The following SLC4A7 variants were observed in gnomAD, a reference collection of about 807,000 sequenced individuals.
The protein encoded by SLC4A7 is sodium bicarbonate cotransporter 3.
SLC4A7 carries 51 observed loss-of-function variants against 137.6 expected under a neutral mutation model. The ratio of observed to expected loss-of-function variants is 0.37; its 90% confidence interval spans 0.30 to 0.47. The LOEUF (loss-of-function observed/expected upper bound fraction) is 0.47. Among genes scored for constraint, SLC4A7 ranks in the 20% least tolerant of loss-of-function variants. The pLI is 1.00. For missense variants in SLC4A7, 1,247 were observed against 1,525.4 expected (o/e 0.82, Z 3.04); for synonymous variants, 542 against 518.6 (o/e 1.05, Z -0.61).
intron 11 of SLC4A7, among the ~76,000 whole-genome samples, chr3:27,414,602 T>A (rs1375366084): frequency 6.6e-6 from 1 of 152,214 alleles, no homozygotes; most frequent in South Asian, 2.1e-4. Context: ...ACCCAAACCA[T>A]AGAAGGATCC....
intron 12 of SLC4A7, among the ~76,000 whole-genome samples, chr3:27,409,806 T>C (rs2053731192): frequency 6.6e-6 from 1 of 152,174 alleles, no homozygotes. Flanking sequence ...AAATGTAATT[T>C]TGGACACAAA....
At chr3:27,482,082 G>A (rs1437267782) in intron 1 of SLC4A7, among the ~76,000 whole-genome samples, 1 of 152,202 alleles carries the variant, frequency 6.6e-6, no homozygotes, top group East Asian at 1.9e-4. Context: ...GCAGTGAGGC[G>A]AGATCAGGCC....
At chr3:27,409,302 G>C in intron 13 of SLC4A7, 54 bp downstream of exon 13, 1 of 1,352,684 alleles carries the variant, frequency 7.4e-7, no homozygotes, top group Non-Finnish European at 1.0e-6. Context: ...AATGCATACA[G>C]ACACTTGCCT....
Position 27,421,696 on chromosome 3 carries a change from C to T in SLC4A7, c.1350G>A (p.Arg450=). The T allele has an allele frequency of 1.9e-6, 3 of 1,613,904 alleles. No individual in the cohort carries two copies. The highest frequency in any genetic ancestry group is 1.7e-6 in the Non-Finnish European group (2 of 1,179,908). ...CCAGTCTCACAAATGCAATTATTGG[C>T]CTTTCCAAAAAGTCTACTTCGCCCA... ...VLVGEVDFLE[R]PIIAFVRLAP... The change falls in exon 9 of 26, where the codon AGG becomes AGA. Residue 450 remains arginine (R), a synonymous_variant. Transcript: ENST00000454389.
chr3:27,387,183 A>C (rs532278790), intron 22 of SLC4A7, among the ~76,000 whole-genome samples: 1 of 152,342 alleles, frequency 6.6e-6, no homozygotes, highest in South Asian at 2.1e-4. Flanking sequence ...ATGGCAAAGC[A>C]AAGCCCTCTA....
chr3:27,390,134 T>C, intron 21 of SLC4A7, 30 bp from the exon 22 acceptor site: 5 of 1,334,958 alleles, frequency 3.7e-6, no homozygotes, highest in Non-Finnish European at 5.3e-6. Context: ...CAAAGAAGTT[T>C]TCAATAAAAT....
Position 27,379,328 on chromosome 3 carries a change from C to A in SLC4A7, c.3619G>T (p.Asp1207Tyr), listed in dbSNP as rs755259779. ...SVDPSIVNIS[D>Y]EMAKTAQWKA... The stretch of plus-strand genomic sequence containing the variant: ...CACTGTGCAGTTTTGGCCATTTCAT[C>A]TGATATGTTAACAATTGAGGGATCA... Residue 1207 changes from aspartate (D) to tyrosine (Y), a missense_variant, in exon 25 of 26, where the codon GAT becomes TAT. Around this residue, in one of 6 missense-constraint regions of SLC4A7, gnomAD observed 290 missense variants for 323.8 expected, o/e 0.90. Coordinates refer to ENST00000454389, the MANE Select transcript of SLC4A7 (RefSeq NM_001321103.2). The A allele has an allele frequency of 1.0e-5, 16 of 1,534,644 alleles. No individual in the cohort carries two copies. Among genetic ancestry groups the A allele is most frequent in the Non-Finnish European group, 1.4e-5 (16 of 1,145,468 alleles).
chr3:27,404,702 G>C (rs1229586617), intron 14 of SLC4A7, 128 bp downstream of exon 14: 3 of 699,680 alleles, frequency 4.3e-6, no homozygotes, highest in Non-Finnish European at 7.0e-6. Flanking sequence ...CAATCATACA[G>C]TAGCTCAAAA....
At chr3:27,394,335 T>C (rs190733182) in intron 20 of SLC4A7, among the ~76,000 whole-genome samples, 183 bp downstream of exon 20, 36 of 150,586 alleles carry the variant, frequency 2.4e-4, no homozygotes, top group South Asian at 4.2e-4. Context: ...ATTTTAAAAA[T>C]ATATACAGCT....
chr3:27,465,776 G>A (rs1433970158), intron 1 of SLC4A7, among the ~76,000 whole-genome samples: 1 of 151,384 alleles, frequency 6.6e-6, no homozygotes, highest in Non-Finnish European at 1.5e-5. Flanking sequence ...TGGCTAACAC[G>A]GGGTTTTCTC....
chr3:27,390,233 G>A (rs1057065245), intron 21 of SLC4A7, 129 bp from the exon 22 acceptor site: 1 of 503,772 alleles, frequency 2.0e-6, no homozygotes, highest in Non-Finnish European at 3.5e-6. Context: ...TGATAGTACA[G>A]GAGAATGTTA....
At position 27,437,462 on chromosome 3, in the gene SLC4A7, G is replaced by C. The variant is rs749973690; in HGVS notation, c.354C>G (p.Pro118=). Residue 118 remains proline, a synonymous_variant, in exon 4 of 26, where the codon CCC becomes CCG. Coordinates refer to ENST00000454389, the MANE Select transcript of SLC4A7 (RefSeq NM_001321103.2). ...GTEDDDEEHI[P]HDLFTEMDEL... ...CATCCATTTCCGTGAAGAGATCATG[G>C]GGAATATGTTCTTCATCATCATCTT... is the stretch of plus-strand genomic sequence containing the variant. 1 of 1,594,040 alleles carries C rather than the reference G, an allele frequency of 6.3e-7. No individual in the cohort carries two copies. The highest frequency in any genetic ancestry group is 1.3e-5 in the African/African-American group (1 of 74,154).
chr3:27,477,804 G>A (rs573298950), intron 1 of SLC4A7, among the ~76,000 whole-genome samples: 54 of 151,990 alleles, frequency 3.6e-4, no homozygotes, highest in African/African-American at 1.2e-3. Context: ...TAGTAGAGAC[G>A]GGGTTTCACC....
intron 25 of SLC4A7, among the ~76,000 whole-genome samples, chr3:27,377,373 T>C (rs1196006634): frequency 6.6e-6 from 1 of 152,180 alleles, no homozygotes. Context: ...TACATATATA[T>C]AGAACAAATA....
intron 11 of SLC4A7, among the ~76,000 whole-genome samples, chr3:27,412,597 A>G (rs1443611420): frequency 6.6e-6 from 1 of 152,214 alleles, no homozygotes; most frequent in Non-Finnish European, 1.5e-5. Flanking sequence ...TCTCACTTAC[A>G]AAATTTCAAT....
At chr3:27,428,520 A>G (rs144085483) in intron 7 of SLC4A7, among the ~76,000 whole-genome samples, 76 of 152,310 alleles carry the variant, frequency 5.0e-4, no homozygotes, top group African/African-American at 1.4e-3. Context: ...TGCAACTACA[A>G]TGAGCTTTGG....
chr3:27,389,010 G>A (rs1040708829), intron 22 of SLC4A7, among the ~76,000 whole-genome samples: 21 of 151,662 alleles, frequency 1.4e-4, no homozygotes, highest in African/African-American at 4.1e-4. Flanking sequence ...TCTGGTTATC[G>A]CTCTTTTCTC....
intron 16 of SLC4A7, among the ~76,000 whole-genome samples, chr3:27,399,008 G>GAAA (rs533969253): frequency 7.3e-6 from 1 of 137,622 alleles, no homozygotes; most frequent in Non-Finnish European, 1.6e-5. Context: ...TTCCTTTAGG[G>GAAA]AAAAAAAAAA....
At chr3:27,447,325 A>G (rs532531342) in intron 3 of SLC4A7, among the ~76,000 whole-genome samples, 29 of 152,300 alleles carry the variant, frequency 1.9e-4, no homozygotes, top group Non-Finnish European at 3.2e-4. Flanking sequence ...ACATAAGACC[A>G]TTTGTCTAGG....
Sources: allele counts gnomAD v4.1 joint callset (sites outside exome capture counted in the v4.1 genomes callset), GRCh38; gene constraint gnomAD v4.1.1; regional missense constraint gnomAD v4.1.1; transcripts MANE v1.5; gene names NCBI Gene and HGNC (gene_info 2026-07-23, HGNC 2026-07-21).